Variants in PCDHA13 observed in about 807,000 individuals in gnomAD.
PCDHA13 encodes protocadherin alpha 13, also known as protocadherin alpha-13.
In PCDHA13, 54 loss-of-function variants were observed where a neutral mutation model predicts 64.8. The ratio of observed to expected loss-of-function variants is 0.83; its 90% CI spans 0.67 to 1.04. PCDHA13 has a LOEUF of 1.04. Ranked by LOEUF, PCDHA13 falls within the 50% of genes least tolerant of loss-of-function variation. PCDHA13 has a pLI of 0.00. For synonymous variants in PCDHA13, 587 were observed against 564.4 expected, an observed-to-expected ratio of 1.04 and a Z score of -0.57; for missense variants, 1,248 against 1,254.3, an observed-to-expected ratio of 0.99 and a Z score of 0.08.
At chr5:140,920,184 AAT>A (rs782376164) in intron 1 of PCDHA13, among the ~76,000 whole-genome samples, 19 of 152,348 alleles carry the variant, frequency 1.2e-4, no homozygotes, top group East Asian at 9.6e-4. Context: ...AGTGTGTAGT[AAT>A]TTGTCACAGC....
chr5:140,949,521 T>C (rs2094388357), intron 1 of PCDHA13, among the ~76,000 whole-genome samples: 1 of 151,932 alleles, frequency 6.6e-6, no homozygotes, highest in East Asian at 1.9e-4. Flanking sequence ...TTGATCCTTT[T>C]ATCTTCATAA....
chr5:140,916,211 G>C (rs1373329073), intron 1 of PCDHA13, among the ~76,000 whole-genome samples: 4 of 152,182 alleles, frequency 2.6e-5, no homozygotes, highest in Non-Finnish European at 5.9e-5. Flanking sequence ...CCCTGGGGAA[G>C]ATCCAAATAT....
intron 1 of PCDHA13, among the ~76,000 whole-genome samples, chr5:140,973,377 G>T (rs1176312664): frequency 1.3e-5 from 2 of 152,208 alleles, no homozygotes; most frequent in Non-Finnish European, 2.9e-5. Context: ...ACAATGGTCA[G>T]AATAGACAAA....
Position 140,936,735 on chromosome 5 carries a change from A to G in PCDHA13, c.2395-42214A>G, listed in dbSNP as rs75635765. 5.4e-3 allele frequency among the ~76,000 whole-genome samples: 829 copies of G among 152,226 alleles called. 3 individuals carry two copies. The highest frequency in any genetic ancestry group is 0.019 in the African/African-American group (798 of 41,528). ...AATACATTCTGTGTTAAATATAGTA[A>G]CTTTTCATTTGTATTGATATCTAAT... On this transcript the variant is annotated intron_variant, in intron 1 of 3. Coordinates refer to ENST00000289272, the MANE Select transcript of PCDHA13 (RefSeq NM_018904.3).
intron 1 of PCDHA13, among the ~76,000 whole-genome samples, chr5:140,962,147 T>C (rs2095660496): frequency 1.3e-5 from 2 of 152,176 alleles, no homozygotes; most frequent in South Asian, 4.1e-4. Context: ...AGTGCTGGGA[T>C]TACAGGCGTG....
chr5:140,884,604 G>A lies in PCDHA13; in HGVS notation c.2336G>A (p.Cys779Tyr). The A allele has an allele frequency of 1.2e-6, 2 of 1,614,140 alleles. 1 individual carries two copies. Among genetic ancestry groups the A allele is most frequent in the Middle Eastern group, 3.3e-4 (2 of 6,062 alleles). Residue 779 changes from cysteine to tyrosine, a missense_variant, in exon 1 of 4, where the codon TGT becomes TAT. By Grantham distance (194) the Cys-to-Tyr change is radical. Coordinates refer to ENST00000289272, the MANE Select transcript of PCDHA13 (RefSeq NM_018904.3). The part of the protein sequence containing the change: ...LMAFSPSLPP[C>Y]LGSAEGTGQR... Reference sequence around the variant, plus strand: ...GCCTTCAGTCCCAGCCTTCCTCCTTGTCTGGGTTCTGCAGAGGGAACAGGC... The same window carrying A: ...GCCTTCAGTCCCAGCCTTCCTCCTTATCTGGGTTCTGCAGAGGGAACAGGC...
chr5:140,889,561 C>A (rs1170749193), intron 1 of PCDHA13, among the ~76,000 whole-genome samples: 1 of 151,898 alleles, frequency 6.6e-6, no homozygotes, highest in African/African-American at 2.4e-5. Flanking sequence ...CTTCAGAATT[C>A]TGCTTTCTGA....
intron 1 of PCDHA13, chr5:140,926,516 G>C: frequency 5.0e-6 from 1 of 198,082 alleles, no homozygotes; most frequent in Non-Finnish European, 1.0e-5. Context: ...CCCAGGCTCC[G>C]CCCTGCGCCC....
chr5:140,926,754 C>A, intron 1 of PCDHA13: 1 of 1,283,492 alleles, frequency 7.8e-7, no homozygotes. Context: ...TCGGCGGTCG[C>A]TGAGTATCCA....
intron 1 of PCDHA13, chr5:140,967,546 C>T (rs199955615): frequency 6.8e-6 from 11 of 1,613,824 alleles, no homozygotes; most frequent in Non-Finnish European, 8.5e-6. Context: ...TTGACCAGTC[C>T]ACTTATCGCG....
intron 1 of PCDHA13, among the ~76,000 whole-genome samples, chr5:140,938,952 C>G (rs1036829091): frequency 4.6e-5 from 7 of 152,104 alleles, no homozygotes; most frequent in South Asian, 2.1e-4. Flanking sequence ...TTATAATGCT[C>G]TAGTCGGAGT....
chr5:140,906,786 A>G (rs1471436514), intron 1 of PCDHA13, among the ~76,000 whole-genome samples: 1 of 152,198 alleles, frequency 6.6e-6, no homozygotes, highest in Non-Finnish European at 1.5e-5. Flanking sequence ...GATCTTGTGT[A>G]TTCCATGCAT....
intron 1 of PCDHA13, among the ~76,000 whole-genome samples, chr5:140,916,666 A>G (rs782065585): frequency 2.0e-5 from 3 of 152,176 alleles, no homozygotes; most frequent in Non-Finnish European, 2.9e-5. Flanking sequence ...AAGATGCAAG[A>G]CAAAGTCCTC....
Position 140,883,911 on chromosome 5 carries a change from A to G in PCDHA13, c.1643A>G (p.Asn548Ser), listed in dbSNP as rs2059884661. 2 of 1,613,034 alleles carry G rather than the reference A, an allele frequency of 1.2e-6. No homozygotes were observed. The highest frequency in any genetic ancestry group is 8.5e-7 in the Non-Finnish European group (1 of 1,179,796). Residue 548 changes from asparagine to serine, a missense_variant, in exon 1 of 4, where the codon AAC becomes AGC. Asn to Ser is a conservative substitution (Grantham distance 46). Transcript: ENST00000289272. Reference protein sequence around the residue: ...RDSGVPPLGSNVTLQVFVLDE... With the variant: ...RDSGVPPLGSSVTLQVFVLDE... ...TCTGGCGTGCCGCCTCTGGGCAGCA[A>G]CGTGACGCTGCAGGTGTTCGTGCTG... is the stretch of plus-strand genomic sequence containing the variant.
chr5:141,004,311 C>T (rs2098161581), intron 3 of PCDHA13, among the ~76,000 whole-genome samples: 1 of 152,210 alleles, frequency 6.6e-6, no homozygotes, highest in South Asian at 2.1e-4. Context: ...TTTTATACAA[C>T]AACCAGAACA....
At chr5:140,952,797 C>T (rs782258698) in intron 1 of PCDHA13, among the ~76,000 whole-genome samples, 1 of 152,142 alleles carries the variant, frequency 6.6e-6, no homozygotes. Flanking sequence ...TTAACTGGCT[C>T]GCAGTTCTGC....
chr5:141,010,107 C>T lies in PCDHA13; in HGVS notation c.*170C>T, dbSNP rs1457376249. On this transcript the variant is annotated 3_prime_UTR_variant, in exon 4 of 4. Coordinates refer to ENST00000289272, the MANE Select transcript of PCDHA13 (RefSeq NM_018904.3). ...CTAGAACGCATTTAACAGGTTTTGT[C>T]GTAAAAGCTTTACTAAGTCTGGTGT... 8.1e-6 allele frequency: 13 copies of T among 1,611,484 alleles called. No individual in the cohort carries two copies. Among genetic ancestry groups the T allele is most frequent in the South Asian group, 4.4e-5 (4 of 90,776 alleles).
chr5:140,928,313 T>TG (rs1554205740), intron 1 of PCDHA13: 1 of 1,614,172 alleles, frequency 6.2e-7, no homozygotes, highest in Non-Finnish European at 8.5e-7. Flanking sequence ...GACCCCGACC[T>TG]GGGGAAGAAT....
In PCDHA13 at chr5:140,882,426, G is replaced by A. The variant is rs148335988; in HGVS notation, c.158G>A (p.Gly53Glu). 6.1e-5 allele frequency: 99 copies of A among 1,613,954 alleles called. No homozygotes were observed. The highest frequency in any genetic ancestry group is 7.9e-5 in the Non-Finnish European group (93 of 1,180,058). Residue 53 changes from glycine (G) to glutamate (E), a missense_variant, in exon 1 of 4, where the codon GGG becomes GAG. Physicochemically the swap from Gly to Glu is moderately conservative, Grantham distance 98. Transcript: ENST00000289272. ...TFVGRIAQDLGLELAELVPRL... is the reference protein window; with the variant it reads ...TFVGRIAQDLELELAELVPRL... The stretch of plus-strand genomic sequence containing the variant: ...GTGGGCCGCATCGCTCAGGACCTGG[G>A]GCTGGAGCTGGCGGAGCTGGTGCCG...
Sources: gnomAD v4.1 joint callset for allele counts (sites outside exome capture counted in the v4.1 genomes callset) on GRCh38, gnomAD v4.1.1 for gene constraint, MANE v1.5 for transcripts, NCBI Gene and HGNC (gene_info 2026-07-23, HGNC 2026-07-21) for gene names.